The following AFG2A variants were observed in gnomAD, a reference collection of about 807,000 sequenced individuals.
AFG2A encodes AAA ATPase AFG2A.
the AFG2A span, among the ~76,000 whole-genome samples, chr4:123,081,350 A>G: frequency 3.3e-5 from 5 of 152,158 alleles, no homozygotes; most frequent in African/African-American, 9.7e-5. Context: ...TATCCTATAC[A>G]TTCCTATGCA....
At chr4:123,166,170 C>CA in the AFG2A span, among the ~76,000 whole-genome samples, 2 of 152,096 alleles carry the variant, frequency 1.3e-5, no homozygotes, top group Non-Finnish European at 2.9e-5. Flanking sequence ...AAGGTGTTGA[C>CA]AAAGGAGATT....
the AFG2A span, among the ~76,000 whole-genome samples, chr4:123,165,251 A>G: frequency 9.2e-5 from 14 of 152,262 alleles, no homozygotes; most frequent in South Asian, 2.9e-3. Flanking sequence ...ATAAATGGAC[A>G]TGAGGCAACT....
At chr4:122,985,102 T>G in the AFG2A span, among the ~76,000 whole-genome samples, 12 of 152,050 alleles carry the variant, frequency 7.9e-5, no homozygotes, top group Non-Finnish European at 1.6e-4. Context: ...TTGGACTTCT[T>G]TTTGTTGGAA....
chr4:123,241,445 A>T, the AFG2A span, among the ~76,000 whole-genome samples: 2 of 152,236 alleles, frequency 1.3e-5, 1 homozygote, highest in Non-Finnish European at 2.9e-5. Flanking sequence ...TGATCAAGTC[A>T]GCTTCATCCC....
chr4:123,001,060 C>A, the AFG2A span, among the ~76,000 whole-genome samples: 1 of 140,632 alleles, frequency 7.1e-6, no homozygotes, highest in Middle Eastern at 3.5e-3. Flanking sequence ...GGAATTTATC[C>A]ATTTCTTCTA....
At chr4:122,947,301 C>T in the AFG2A span, 34,492 of 1,613,388 alleles carry the variant, frequency 0.021, 1,261 homozygotes, top group African/African-American at 0.16. Flanking sequence ...ATGCTGCTCT[C>T]CGAAGACCTG....
chr4:122,977,345 G>A, the AFG2A span, among the ~76,000 whole-genome samples: 9 of 152,324 alleles, frequency 5.9e-5, no homozygotes, highest in East Asian at 3.9e-4. Context: ...CCCGAGGTCC[G>A]GCCACTGCAC....
chr4:123,233,130 A>C, the AFG2A span, among the ~76,000 whole-genome samples: 1 of 152,144 alleles, frequency 6.6e-6, no homozygotes, highest in Non-Finnish European at 1.5e-5. Flanking sequence ...TGTTAATCGC[A>C]TGACCCACGT....
the AFG2A span, among the ~76,000 whole-genome samples, chr4:123,218,547 A>G: frequency 2.0e-5 from 3 of 152,216 alleles, no homozygotes; most frequent in Non-Finnish European, 4.4e-5. Context: ...TCCCAGACTC[A>G]TAAATGTTTA....
At chr4:123,091,873 T>G in the AFG2A span, among the ~76,000 whole-genome samples, 106 of 152,364 alleles carry the variant, frequency 7.0e-4, 2 homozygotes, top group South Asian at 0.022. Flanking sequence ...GTTGCTGGCA[T>G]TATTGCCTTG....
chr4:123,173,001 T>C, the AFG2A span, among the ~76,000 whole-genome samples: 1 of 152,136 alleles, frequency 6.6e-6, no homozygotes, highest in East Asian at 1.9e-4. Context: ...TATGTAAAAA[T>C]GTAGAAAACT....
At chr4:123,141,150 AT>A in the AFG2A span, among the ~76,000 whole-genome samples, 1 of 152,230 alleles carries the variant, frequency 6.6e-6, no homozygotes, top group South Asian at 2.1e-4. Flanking sequence ...AAAAGACATG[AT>A]TTTAAAAGAA....
the AFG2A span, among the ~76,000 whole-genome samples, chr4:123,019,479 A>G: frequency 2.6e-5 from 4 of 152,202 alleles, no homozygotes; most frequent in African/African-American, 9.6e-5. Flanking sequence ...AGGTATTGGC[A>G]TACAGATAAT....
chr4:123,018,115 TG>T, the AFG2A span, among the ~76,000 whole-genome samples: 5 of 152,240 alleles, frequency 3.3e-5, no homozygotes, highest in South Asian at 6.2e-4. Context: ...TGTTTTATTT[TG>T]TTTTGGGGTG....
chr4:123,305,057 T>C, the AFG2A span, among the ~76,000 whole-genome samples: 2 of 152,198 alleles, frequency 1.3e-5, no homozygotes, highest in Non-Finnish European at 2.9e-5. Flanking sequence ...TGAATTCAGC[T>C]ATCAGGAACT....
At chr4:123,191,642 C>T in the AFG2A span, among the ~76,000 whole-genome samples, 4 of 152,048 alleles carry the variant, frequency 2.6e-5, no homozygotes, top group African/African-American at 9.7e-5. Flanking sequence ...CATATTCTCT[C>T]TCCCTGTCTT....
At chr4:122,934,101 C>T in the AFG2A span, 2 of 1,587,236 alleles carry the variant, frequency 1.3e-6, no homozygotes, top group Non-Finnish European at 1.7e-6. Flanking sequence ...TTCTAGATGG[C>T]AAGATTGTTT....
At chr4:123,148,278 C>T in the AFG2A span, among the ~76,000 whole-genome samples, 2 of 152,028 alleles carry the variant, frequency 1.3e-5, no homozygotes, top group African/African-American at 2.4e-5. Flanking sequence ...CTAAGAGCTA[C>T]GTGTGCATAA....
the AFG2A span, among the ~76,000 whole-genome samples, chr4:123,085,245 A>C: frequency 6.6e-6 from 1 of 152,132 alleles, no homozygotes; most frequent in East Asian, 1.9e-4. Flanking sequence ...ATTTAGTTCA[A>C]CTATGTTCTT....
Sources: gnomAD v4.1 joint callset for allele counts (sites outside exome capture counted in the v4.1 genomes callset) on GRCh38, gnomAD v4.1.1 for gene constraint, MANE v1.5 for transcripts, NCBI Gene and HGNC (gene_info 2026-07-23, HGNC 2026-07-21) for gene names.